FHIT: variants seen among roughly 807,000 people sequenced by gnomAD.
The protein encoded by FHIT is fragile histidine triad diadenosine triphosphatase.
Under a neutral mutation model 17.9 loss-of-function variants are expected in FHIT, and 19 were observed. The observed-to-expected ratio is 1.06, with a 90% confidence interval of 0.74 to 1.56. The LOEUF is 1.56. FHIT is among the 40% of genes most tolerant of loss of function. The probability of loss-of-function intolerance (pLI) is 0.00; values close to 1 mark genes in which losing one functional copy is unlikely to be tolerated. For synonymous variants in FHIT, 81 were observed against 69.7 expected, an observed-to-expected ratio of 1.16 and a Z score of -0.81; for missense variants, 248 against 189.2, an observed-to-expected ratio of 1.31 and a Z score of -1.82.
intron 4 of FHIT, among the ~76,000 whole-genome samples, chr3:60,587,917 A>C (rs1483374949): frequency 2.0e-5 from 3 of 151,846 alleles, no homozygotes; most frequent in Non-Finnish European, 2.9e-5. Context: ...ATCAGGAGGC[A>C]AGTCTGCCTG....
At chr3:60,180,639 TTC>T (rs944014739) in intron 5 of FHIT, among the ~76,000 whole-genome samples, 1 of 152,236 alleles carries the variant, frequency 6.6e-6, no homozygotes, top group African/African-American at 2.4e-5. Flanking sequence ...TATATTTTAA[TTC>T]TCTGTTAGAA....
intron 5 of FHIT, among the ~76,000 whole-genome samples, chr3:60,155,005 C>A (rs7646022): frequency 0.71 from 107,844 of 151,754 alleles, 40,079 homozygotes; most frequent in Non-Finnish European, 0.83. Flanking sequence ...TTTGAGACCA[C>A]TCTGGGCAAC....
At chr3:60,494,433 A>G (rs546539960) in intron 5 of FHIT, among the ~76,000 whole-genome samples, 1 of 152,126 alleles carries the variant, frequency 6.6e-6, no homozygotes, top group East Asian at 1.9e-4. Flanking sequence ...AAAATGGGGT[A>G]TCCATCCCCT....
At chr3:61,153,626 C>G in intron 2 of FHIT, among the ~76,000 whole-genome samples, 1 of 152,086 alleles carries the variant, frequency 6.6e-6, no homozygotes. Flanking sequence ...AATCAAAAAT[C>G]CTTTCTCAGG....
chr3:60,553,514 T>TAGAGAGAGAGAGAG (rs2036634694), intron 4 of FHIT: 11 of 135,418 alleles, frequency 8.1e-5, no homozygotes, highest in African/African-American at 3.4e-4. Context: ...TATATATATA[T>TAGAGAGAGAGAGAG]ATATATAGAG....
intron 5 of FHIT, among the ~76,000 whole-genome samples, chr3:60,306,084 G>A (rs570332725): frequency 6.6e-6 from 1 of 152,110 alleles, no homozygotes; most frequent in Admixed American, 6.6e-5. Flanking sequence ...CCTACATGTA[G>A]TACTGTGGTA....
chr3:60,601,637 G>C (rs1330657369), intron 4 of FHIT, among the ~76,000 whole-genome samples: 1 of 152,094 alleles, frequency 6.6e-6, no homozygotes, highest in African/African-American at 2.4e-5. Flanking sequence ...TGACTACCAT[G>C]CAAACTTACT....
chr3:59,754,251 G>A (rs746579258), intron 8 of FHIT, among the ~76,000 whole-genome samples: 3 of 152,096 alleles, frequency 2.0e-5, no homozygotes, highest in African/African-American at 7.2e-5. Flanking sequence ...GCATATAACC[G>A]GGCCACAGAT....
At chr3:60,234,949 TAATATACCTACTTTCCCAAGTACA>T (rs967729721) in intron 5 of FHIT, among the ~76,000 whole-genome samples, 4 of 152,164 alleles carry the variant, frequency 2.6e-5, no homozygotes, top group African/African-American at 9.7e-5. Flanking sequence ...TTTTTACTTT[TAATATACCTACTTTCCCAAGTACA>T]AATTTATCCT....
At chr3:60,029,495 T>C (rs1700891804) in intron 5 of FHIT, among the ~76,000 whole-genome samples, 1 of 152,186 alleles carries the variant, frequency 6.6e-6, no homozygotes, top group Non-Finnish European at 1.5e-5. Context: ...GACATATATA[T>C]GCAGTCTCTC....
intron 5 of FHIT, among the ~76,000 whole-genome samples, chr3:60,111,960 C>T (rs1704692314): frequency 6.6e-6 from 1 of 152,178 alleles, no homozygotes; most frequent in Admixed American, 6.5e-5. Flanking sequence ...ATTTGTATCT[C>T]TTAAATGCTT....
chr3:60,210,167 G>T (rs939806222), intron 5 of FHIT, among the ~76,000 whole-genome samples: 3 of 152,140 alleles, frequency 2.0e-5, no homozygotes, highest in African/African-American at 4.8e-5. Flanking sequence ...GGAGAATTTG[G>T]TATATGATAA....
chr3:60,201,713 C>A (rs1702915160), intron 5 of FHIT, among the ~76,000 whole-genome samples: 1 of 152,076 alleles, frequency 6.6e-6, no homozygotes, highest in African/African-American at 2.4e-5. Flanking sequence ...TTTAACCTAT[C>A]TCATAACTTT....
intron 8 of FHIT, among the ~76,000 whole-genome samples, chr3:59,875,239 C>G (rs1020324541): frequency 1.3e-5 from 2 of 152,150 alleles, no homozygotes; most frequent in Non-Finnish European, 2.9e-5. Flanking sequence ...GTCACCAAAG[C>G]CTGAGGGAAA....
At chr3:60,582,131 G>T (rs1249020303) in intron 4 of FHIT, among the ~76,000 whole-genome samples, 1 of 152,026 alleles carries the variant, frequency 6.6e-6, no homozygotes, top group Non-Finnish European at 1.5e-5. Context: ...AAAAAATACT[G>T]ATGCCTAGAT....
chr3:60,903,146 T>G (rs1247001163), intron 3 of FHIT, among the ~76,000 whole-genome samples: 1 of 152,194 alleles, frequency 6.6e-6, no homozygotes, highest in African/African-American at 2.4e-5. Context: ...TGTATGATTA[T>G]TATACACACA....
chr3:59,893,541 G>A (rs1703942619), intron 8 of FHIT, among the ~76,000 whole-genome samples: 1 of 152,198 alleles, frequency 6.6e-6, no homozygotes, highest in Non-Finnish European at 1.5e-5. Context: ...GAAAGTCTGG[G>A]ACCAGCAATA....
intron 5 of FHIT, among the ~76,000 whole-genome samples, chr3:60,400,359 G>C (rs1321089285): frequency 6.6e-6 from 1 of 152,150 alleles, no homozygotes; most frequent in Non-Finnish European, 1.5e-5. Flanking sequence ...AGAGGAAAAA[G>C]CTCCAAGAGG....
chr3:60,843,428 T>C lies in FHIT; in HGVS notation c.-110-21417A>G, dbSNP rs138889164. Among the ~76,000 whole-genome samples, 794 of 152,312 alleles carry C rather than the reference T, an allele frequency of 5.2e-3. 30 individuals are homozygous for C. Among genetic ancestry groups the C allele is most frequent in the Admixed American group, 0.048 (735 of 15,298 alleles). On this transcript the variant is annotated intron_variant, in intron 3 of 9. Transcript: ENST00000492590. ...TTCCACCACTATAAATAGTTTCTTA[T>C]AAATGCCACCTAGAGACAAAATTAT... is the stretch of plus-strand genomic sequence containing the variant.
Sources: allele counts gnomAD v4.1 joint callset (sites outside exome capture counted in the v4.1 genomes callset), GRCh38; gene constraint gnomAD v4.1.1; transcripts MANE v1.5; gene names NCBI Gene and HGNC (gene_info 2026-07-23, HGNC 2026-07-21).